Variants in UBR1 observed in about 807,000 individuals in gnomAD.
UBR1 encodes ubiquitin protein ligase E3 component n-recognin 1.
In UBR1, 102 loss-of-function variants were observed where a neutral mutation model predicts 242.1. The ratio of observed to expected loss-of-function variants is 0.42; its 90% CI spans 0.36 to 0.50. UBR1 has a LOEUF of 0.50. UBR1 is among the 20% of genes least tolerant of loss of function. UBR1 has a pLI of 0.01. For synonymous variants in UBR1, 675 were observed against 684.8 expected (o/e 0.99, Z 0.22); for missense variants, 1,772 against 2,101.8 (o/e 0.84, Z 3.07).
At chr15:43,059,654 AAC>A in intron 8 of UBR1, 46 bp downstream of exon 8, 1 of 1,611,848 alleles carries the variant, frequency 6.2e-7, no homozygotes, top group South Asian at 1.1e-5. Flanking sequence ...GTGGCTATAA[AAC>A]ACATAGTATT....
chr15:42,945,282 C>G lies in UBR1; in HGVS notation c.*47G>C. 1 of 1,613,798 alleles carries G rather than the reference C, an allele frequency of 6.2e-7. No individual in the cohort carries two copies. The highest frequency in any genetic ancestry group is 8.5e-7 in the Non-Finnish European group (1 of 1,179,876). On this transcript the variant is annotated 3_prime_UTR_variant, in exon 47 of 47. Coordinates refer to ENST00000290650, the MANE Select transcript of UBR1 (RefSeq NM_174916.3). ...AAGTTTTCCATAATTTTGAATCAGC[C>G]TTTACTACTGTCGTCATTTGTGATT...
chr15:43,057,294 T>C (rs927928836), intron 10 of UBR1, among the ~76,000 whole-genome samples: 2 of 152,182 alleles, frequency 1.3e-5, no homozygotes, highest in African/African-American at 2.4e-5. Flanking sequence ...GCATATAAAA[T>C]CCAGGTAATG....
chr15:42,967,229 T>TG (rs1253506751), intron 40 of UBR1, among the ~76,000 whole-genome samples: 1 of 148,958 alleles, frequency 6.7e-6, no homozygotes, highest in African/African-American at 2.5e-5. Context: ...GTTTTTTTTT[T>TG]TTTTTTTTTT....
At chr15:43,058,484 C>A in intron 9 of UBR1, 55 bp from the exon 10 acceptor site, 3 of 1,265,438 alleles carry the variant, frequency 2.4e-6, no homozygotes, top group Admixed American at 1.8e-5. Context: ...AAGGCAAAAA[C>A]CAAAAACATT....
intron 1 of UBR1, chr15:43,092,040 T>C: frequency 2.2e-6 from 1 of 453,778 alleles, no homozygotes; most frequent in Admixed American, 2.4e-5. Flanking sequence ...GCGGAGATCA[T>C]GCCACTGCAC....
At chr15:43,063,053 T>C (rs2033707686) in intron 6 of UBR1, among the ~76,000 whole-genome samples, 1 of 152,236 alleles carries the variant, frequency 6.6e-6, no homozygotes, top group Admixed American at 6.5e-5. Context: ...AGTACATTTT[T>C]TACTTCAATT....
chr15:42,963,860 G>A, intron 42 of UBR1, 75 bp downstream of exon 42: 1 of 1,192,436 alleles, frequency 8.4e-7, no homozygotes, highest in Non-Finnish European at 1.2e-6. Context: ...TGAACTAAAA[G>A]CTTAGCAAGT....
At position 43,057,123 on chromosome 15, in the gene UBR1, G is replaced by GT. The variant is rs1170702639; in HGVS notation, c.1183-682dup. On this transcript the variant is annotated intron_variant, in intron 10 of 46. Transcript: ENST00000290650. ...ATGGTGTACAAAAAAAATCATCTAA[G>GT]TAGGGAGATTAGCTTTTGTATAAGA... Among the ~76,000 whole-genome samples, 3 of 152,258 alleles carry GT rather than the reference G, an allele frequency of 2.0e-5. No individual in the cohort carries two copies. The East Asian group carries it at 5.8e-4, about 29-fold the overall frequency.
chr15:42,977,772 A>C, intron 38 of UBR1, 108 bp downstream of exon 38: 1 of 1,014,762 alleles, frequency 9.9e-7, no homozygotes, highest in Non-Finnish European at 1.5e-6. Flanking sequence ...AACTTTATAG[A>C]TTAAACACAA....
intron 6 of UBR1, among the ~76,000 whole-genome samples, chr15:43,061,589 G>A (rs1383864503): frequency 6.6e-6 from 1 of 151,770 alleles, no homozygotes; most frequent in Non-Finnish European, 1.5e-5. Context: ...ACACATATAT[G>A]TATATATACA....
Position 43,059,156 on chromosome 15 carries a change from C to G in UBR1, c.1022G>C (p.Arg341Thr). The G allele has an allele frequency of 6.2e-7, 1 of 1,614,156 alleles. No individual in the cohort carries two copies. Residue 341 changes from arginine to threonine, a missense_variant, in exon 9 of 47, where the codon AGA becomes ACA. Physicochemically the swap from Arg to Thr is moderately conservative, Grantham distance 71. This residue lies in a region of UBR1 where 734 missense variants were observed against 893.3 expected (regional missense o/e 0.82). Coordinates refer to ENST00000290650, the MANE Select transcript of UBR1 (RefSeq NM_174916.3). ...FRQIFCQACL[R>T]EEPDSENPCL... ...GGGATTCTCCGAGTCAGGTTCTTCT[C>G]TAAGGCATGCTTGGCAAAAGATCTG...
chr15:42,995,843 G>A (rs1216655586), intron 33 of UBR1, among the ~76,000 whole-genome samples: 2 of 152,210 alleles, frequency 1.3e-5, no homozygotes, highest in African/African-American at 4.8e-5. Flanking sequence ...AGGGGAAACT[G>A]ACAGGACGTT....
intron 1 of UBR1, among the ~76,000 whole-genome samples, chr15:43,093,848 TTTCC>T (rs1235175711): frequency 6.6e-6 from 1 of 151,428 alleles, no homozygotes; most frequent in African/African-American, 2.4e-5. Flanking sequence ...TAAAATCTAC[TTTCC>T]TGTAACTTTT....
chr15:43,009,808 C>A (rs993157782), intron 29 of UBR1, among the ~76,000 whole-genome samples: 1 of 152,294 alleles, frequency 6.6e-6, no homozygotes, highest in Non-Finnish European at 1.5e-5. Context: ...TATCATTGAA[C>A]AATAAATAAA....
intron 29 of UBR1, among the ~76,000 whole-genome samples, chr15:43,012,126 C>T (rs1249429511): frequency 6.6e-6 from 1 of 151,628 alleles, no homozygotes; most frequent in Admixed American, 6.6e-5. Context: ...ACTCGGGAGG[C>T]TGAGGCAGGA....
At chr15:43,096,410 C>A (rs559819510) in intron 1 of UBR1, among the ~76,000 whole-genome samples, 6 of 152,314 alleles carry the variant, frequency 3.9e-5, no homozygotes, top group African/African-American at 1.2e-4. Context: ...AATCCGCCCA[C>A]CTCGGCCTCC....
chr15:42,986,120 A>G (rs965982225), intron 35 of UBR1, among the ~76,000 whole-genome samples: 3 of 152,106 alleles, frequency 2.0e-5, no homozygotes, highest in Non-Finnish European at 4.4e-5. Context: ...TTAGCAGCAG[A>G]TACGAGTGTG....
At chr15:42,968,396 T>A (rs2032146497) in intron 40 of UBR1, among the ~76,000 whole-genome samples, 2 of 152,030 alleles carry the variant, frequency 1.3e-5, no homozygotes, top group Admixed American at 1.3e-4. Flanking sequence ...TTTTTTTTTT[T>A]TTTTTAAATA....
intron 1 of UBR1, among the ~76,000 whole-genome samples, chr15:43,092,237 C>T (rs1449853980): frequency 6.6e-6 from 1 of 152,182 alleles, no homozygotes; most frequent in East Asian, 1.9e-4. Flanking sequence ...TCAAGGCCAA[C>T]CTTAGCGAAT....
Sources: gnomAD v4.1 joint callset for allele counts (sites outside exome capture counted in the v4.1 genomes callset) on GRCh38, gnomAD v4.1.1 for gene constraint, gnomAD v4.1.1 regional missense constraint, MANE v1.5 for transcripts, NCBI Gene and HGNC (gene_info 2026-07-23, HGNC 2026-07-21) for gene names.